RARB: variants seen among roughly 807,000 people sequenced by gnomAD.
RARB encodes the protein HBV-activated protein.
In RARB, 17 loss-of-function variants were observed where a neutral mutation model predicts 51.9. The ratio of observed to expected loss-of-function variants is 0.33; its 90% CI spans 0.22 to 0.49. RARB has a LOEUF of 0.49. Ranked by LOEUF, RARB falls within the 20% of genes least tolerant of loss-of-function variation. The pLI is 0.99. For missense variants in RARB, 369 were observed against 550.8 expected (o/e 0.67, Z 3.30); for synonymous variants, 215 against 195.4 (o/e 1.10, Z -0.84).
chr3:25,283,807 G>A (rs1230994997), intron 5 of RARB, among the ~76,000 whole-genome samples: 1 of 152,168 alleles, frequency 6.6e-6, no homozygotes, highest in Non-Finnish European at 1.5e-5. Flanking sequence ...TTACAGACAT[G>A]TCGCTAAGCA....
At chr3:25,509,424 C>A (rs1427941388) in intron 3 of RARB, among the ~76,000 whole-genome samples, 1 of 152,250 alleles carries the variant, frequency 6.6e-6, no homozygotes, top group Middle Eastern at 3.2e-3. Context: ...ATTATAGCTA[C>A]AGCCTTGATT....
At chr3:25,566,837 C>G (rs186104747) in intron 3 of RARB, among the ~76,000 whole-genome samples, 107 of 152,260 alleles carry the variant, frequency 7.0e-4, no homozygotes, top group Middle Eastern at 3.4e-3. Flanking sequence ...TTTGTGGTTT[C>G]TCTTTCTGCA....
chr3:25,456,837 G>A (rs1694947499), intron 1 of RARB, among the ~76,000 whole-genome samples: 1 of 150,940 alleles, frequency 6.6e-6, no homozygotes, highest in South Asian at 2.1e-4. Flanking sequence ...TTCAAATTAT[G>A]TTCATTTATG....
At chr3:24,979,862 A>G (rs1039774149) in intron 2 of RARB, among the ~76,000 whole-genome samples, 3 of 152,196 alleles carry the variant, frequency 2.0e-5, no homozygotes, top group Non-Finnish European at 2.9e-5. Flanking sequence ...CAGTTTCTTC[A>G]TAGCATCAAT....
At chr3:24,911,788 T>TA (rs1461781910) in intron 2 of RARB, among the ~76,000 whole-genome samples, 2 of 152,112 alleles carry the variant, frequency 1.3e-5, no homozygotes, top group Non-Finnish European at 2.9e-5. Context: ...TCTTGTCTCT[T>TA]AAAAAAGTAC....
chr3:24,882,676 T>C (rs948806085), intron 2 of RARB, among the ~76,000 whole-genome samples: 1 of 152,202 alleles, frequency 6.6e-6, no homozygotes, highest in Non-Finnish European at 1.5e-5. Flanking sequence ...TTTTTCATAG[T>C]TTAACTGCCC....
chr3:25,409,718 T>A (rs962791233), intron 5 of RARB, among the ~76,000 whole-genome samples: 2 of 152,216 alleles, frequency 1.3e-5, no homozygotes, highest in African/African-American at 2.4e-5. Context: ...GAATTCACAG[T>A]AGTCAGTAAA....
At chr3:25,415,575 A>G (rs746058169) in intron 5 of RARB, among the ~76,000 whole-genome samples, 2 of 152,096 alleles carry the variant, frequency 1.3e-5, no homozygotes, top group African/African-American at 4.8e-5. Context: ...TCCTGGTCTT[A>G]ATGTAGGTTG....
At chr3:25,323,049 A>G (rs1314653281) in intron 5 of RARB, among the ~76,000 whole-genome samples, 2 of 152,168 alleles carry the variant, frequency 1.3e-5, no homozygotes, top group South Asian at 2.1e-4. Flanking sequence ...CCTCACCTAC[A>G]TGTTTGGGGC....
At chr3:25,303,799 A>G (rs1349906332) in intron 5 of RARB, among the ~76,000 whole-genome samples, 1 of 152,190 alleles carries the variant, frequency 6.6e-6, no homozygotes, top group Non-Finnish European at 1.5e-5. Context: ...AGCCGGGCAG[A>G]ATGTTTTTAT....
At chr3:25,063,653 C>G (rs543445116) in intron 3 of RARB, among the ~76,000 whole-genome samples, 3 of 151,294 alleles carry the variant, frequency 2.0e-5, no homozygotes, top group African/African-American at 7.3e-5. Flanking sequence ...TTAAAGACTA[C>G]CACAGTCATA....
intron 2 of RARB, among the ~76,000 whole-genome samples, chr3:24,890,196 C>T (rs1703350723): frequency 6.6e-6 from 1 of 152,120 alleles, no homozygotes; most frequent in Non-Finnish European, 1.5e-5. Flanking sequence ...TAAAAGTTGC[C>T]TTGCTGGTGC....
intron 2 of RARB, among the ~76,000 whole-genome samples, chr3:24,975,853 C>T (rs4318520): frequency 0.88 from 134,174 of 152,092 alleles, 59,276 homozygotes; most frequent in South Asian, 0.93. Flanking sequence ...GTGTGCCATG[C>T]TGGTTTGCTG....
intron 5 of RARB, among the ~76,000 whole-genome samples, chr3:25,275,686 G>T (rs1211334658): frequency 6.6e-6 from 1 of 151,720 alleles, no homozygotes; most frequent in Non-Finnish European, 1.5e-5. Flanking sequence ...GCCAGGTTCA[G>T]TGATGGACAT....
intron 1 of RARB, among the ~76,000 whole-genome samples, chr3:25,439,370 C>T (rs187566414): frequency 4.6e-5 from 7 of 152,304 alleles, no homozygotes; most frequent in African/African-American, 1.7e-4. Context: ...ATTGGCCTCT[C>T]AGATAATGCT....
chr3:25,125,933 A>G (rs189864154), intron 3 of RARB, among the ~76,000 whole-genome samples: 91 of 152,300 alleles, frequency 6.0e-4, no homozygotes, highest in African/African-American at 2.1e-3. Flanking sequence ...TTCTCCAGGC[A>G]GGAAAACCAG....
chr3:25,569,736 G>T (rs1700635222), intron 3 of RARB, 22 bp from the exon 4 acceptor site: 1 of 1,608,984 alleles, frequency 6.2e-7, no homozygotes, highest in Non-Finnish European at 8.5e-7. Flanking sequence ...GACCCCTGAT[G>T]TGCCTTCTCT....
chr3:25,500,375 G>C (rs1697234781), intron 2 of RARB, among the ~76,000 whole-genome samples: 1 of 147,668 alleles, frequency 6.8e-6, no homozygotes, highest in Non-Finnish European at 1.5e-5. Context: ...GAGGAGCTAT[G>C]TAAAAGAACT....
chr3:25,472,140 A>G (rs577095308), intron 2 of RARB, among the ~76,000 whole-genome samples: 2 of 152,302 alleles, frequency 1.3e-5, no homozygotes, highest in African/African-American at 2.4e-5. Flanking sequence ...GTAAAAGTAA[A>G]CCCCCACAAG....
Sources: gnomAD v4.1 joint callset for allele counts (sites outside exome capture counted in the v4.1 genomes callset) on GRCh38, gnomAD v4.1.1 for gene constraint, MANE v1.5 for transcripts, NCBI Gene and HGNC (gene_info 2026-07-23, HGNC 2026-07-21) for gene names.